Variants in F8 observed in about 807,000 individuals in gnomAD.
The protein encoded by F8 is coagulation factor VIII.
F8 carries 12 observed loss-of-function variants against 140.6 expected under a neutral mutation model. That is an observed-to-expected ratio of 0.09 (90% CI 0.05 to 0.14). The LOEUF is 0.14. Ranked by LOEUF, F8 falls within the 10% of genes least tolerant of loss-of-function variation. F8 has a pLI of 1.00. For synonymous variants in F8, 585 were observed against 614.6 expected (o/e 0.95, Z 0.71); for missense variants, 1,354 against 1,720.7 (o/e 0.79, Z 3.77).
At chrX:154,976,368 A>T (rs2073485319) in intron 6 of F8, among the ~76,000 whole-genome samples, 1 of 110,162 alleles carries the variant, frequency 9.1e-6, no homozygotes, top group African/African-American at 3.3e-5. Context: ...ATGTAGTTAG[A>T]TCTTTTTTTA....
intron 13 of F8, among the ~76,000 whole-genome samples, chrX:154,942,584 A>T (rs1018400325): frequency 8.9e-6 from 1 of 111,865 alleles, no homozygotes; most frequent in Admixed American, 9.4e-5. Flanking sequence ...ATTCTACCAG[A>T]GGTAGAAGGA....
intron 1 of F8, among the ~76,000 whole-genome samples, chrX:155,016,403 A>G (rs1431169902): frequency 3.6e-5 from 4 of 112,076 alleles, no homozygotes; most frequent in African/African-American, 9.7e-5. Context: ...TGCACTTACC[A>G]TATGATCCAG....
At chrX:154,954,167 T>C in intron 11 of F8, 125 bp from the exon 12 acceptor site, 1 of 742,951 alleles carries the variant, frequency 1.3e-6, no homozygotes, top group South Asian at 2.3e-5. Flanking sequence ...TTAATTCCAT[T>C]TCCTCTTAGG....
intron 12 of F8, among the ~76,000 whole-genome samples, chrX:154,951,927 G>A (rs1239209684): frequency 1.8e-5 from 2 of 111,836 alleles, no homozygotes; most frequent in Non-Finnish European, 3.8e-5. Flanking sequence ...ATTGTTTTCT[G>A]GCTCTGCTTA....
intron 25 of F8, among the ~76,000 whole-genome samples, chrX:154,839,185 C>T (rs2072498509): frequency 9.2e-6 from 1 of 109,047 alleles, no homozygotes; most frequent in African/African-American, 3.3e-5. Context: ...CTTACCCCTT[C>T]TGTTTCTTCT....
At position 154,856,661 on chromosome X, in the gene F8, C is replaced by T. The variant is rs782791133; in HGVS notation, c.6900+3771G>A. Among the ~76,000 whole-genome samples, 22 of 112,014 alleles carry T rather than the reference C, an allele frequency of 2.0e-4. No individual in the cohort carries two copies. In the South Asian group the frequency reaches 8.3e-3, roughly 42 times the overall value. On this transcript the variant is annotated intron_variant, in intron 25 of 25. Transcript: ENST00000360256. ...TCCCAGACTTGAGCAGGTTTACAGACCCAGCACTCCTTGAATGAAGGGGAG... is the reference window on the plus strand; with the variant it reads ...TCCCAGACTTGAGCAGGTTTACAGATCCAGCACTCCTTGAATGAAGGGGAG...
intron 4 of F8, 136 bp from the exon 5 acceptor site, chrX:154,987,441 C>T: frequency 5.4e-6 from 3 of 556,808 alleles, no homozygotes; most frequent in Non-Finnish European, 8.9e-6. Flanking sequence ...GATAACTTGG[C>T]TTTGATGTCA....
At chrX:154,956,281 G>A (rs782683275) in intron 11 of F8, among the ~76,000 whole-genome samples, 18 of 111,624 alleles carry the variant, frequency 1.6e-4, no homozygotes, top group Middle Eastern at 4.6e-3. Context: ...TGCAGATAAC[G>A]CAATCATCAC....
At position 155,004,968 on chromosome X, in the gene F8, T is replaced by G. The variant is rs186609967; in HGVS notation, c.144-5368A>C. Among the ~76,000 whole-genome samples the G allele has an allele frequency of 2.8e-4, 31 of 111,414 alleles. No homozygotes were observed. In the East Asian group the frequency reaches 8.7e-3, roughly 31 times the overall value. On this transcript the variant is annotated intron_variant, in intron 1 of 25. Transcript: ENST00000360256. ...GTGTGTCCCGAAGTAAAATATATGG[T>G]TTTGGAAAACAAGGAGTGTAAGTAG...
intron 1 of F8, among the ~76,000 whole-genome samples, chrX:155,007,170 T>C (rs1603437110): frequency 8.9e-6 from 1 of 112,353 alleles, no homozygotes; most frequent in East Asian, 2.8e-4. Flanking sequence ...GGCATATTAG[T>C]GAGTGGACAC....
chrX:154,929,597 C>T lies in F8; in HGVS notation c.4193G>A (p.Ser1398Asn), dbSNP rs782049847. The T allele has an allele frequency of 8.3e-7, 1 of 1,211,072 alleles. No individual in the cohort carries two copies. Among genetic ancestry groups the T allele is most frequent in the Non-Finnish European group, 1.1e-6 (1 of 895,117 alleles). ...PLSDCLTRSH[S>N]IPQANRSPLP... ...TGGAGATCTATTTGCTTGAGGGATG[C>T]TATGACTCCTCGTAAGGCAATCTGA... Residue 1398 changes from serine to asparagine, a missense_variant, in exon 14 of 26, where the codon AGC becomes AAC. Around this residue, in one of 4 missense-constraint regions of F8, gnomAD observed 658 missense variants for 666.5 expected, o/e 0.99. Transcript: ENST00000360256.
intron 1 of F8, among the ~76,000 whole-genome samples, chrX:155,001,540 T>G (rs1395160327): frequency 4.5e-5 from 5 of 110,150 alleles, no homozygotes; most frequent in African/African-American, 1.7e-4. Flanking sequence ...TCCACCCTCC[T>G]TGGCTTCCCA....
chrX:154,972,707 C>CTTTTTTTTTTTTTTTTTTTTT (rs1184930129), intron 6 of F8, among the ~76,000 whole-genome samples: 3 of 55,270 alleles, frequency 5.4e-5, no homozygotes, highest in African/African-American at 1.4e-4. Flanking sequence ...TTCTGTCTTT[C>CTTTTTTTTTTTTTTTTTTTTT]TTTTTTTTTT....
Position 154,929,357 on chromosome X carries a change from A to C in F8, c.4433T>G (p.Val1478Gly), listed in dbSNP as rs782624882. 1.7e-6 allele frequency: 2 copies of C among 1,210,113 alleles called. No individual in the cohort carries two copies. The highest frequency in any genetic ancestry group is 2.3e-4 in the Middle Eastern group (1 of 4,356). ...TLEMTGDQREVGSLGTSATNS... is the reference protein window; with the variant it reads ...TLEMTGDQREGGSLGTSATNS... ...TGTGGCACTTGTCCCCAGGGAGCCA[A>C]CCTCTCTTTGATCACCAGTCATCTC... The change falls in exon 14 of 26, where the codon GTT becomes GGT. Residue 1478 changes from valine (V) to glycine (G), a missense_variant. Physicochemically the swap from Val to Gly is moderately radical, Grantham distance 109. This residue lies in a region of F8 where 658 missense variants were observed against 666.5 expected (regional missense o/e 0.99). Transcript: ENST00000360256.
At chrX:154,969,704 A>G (rs2073446085) in intron 6 of F8, 152 bp from the exon 7 acceptor site, 1 of 491,857 alleles carries the variant, frequency 2.0e-6, no homozygotes, top group Admixed American at 3.4e-5. Flanking sequence ...GCTACTATCA[A>G]ACCAACAGCT....
intron 22 of F8, among the ~76,000 whole-genome samples, chrX:154,878,428 CAAAAAAAAAAAAA>C (rs57418004): frequency 1.1e-4 from 3 of 26,738 alleles, no homozygotes; most frequent in Non-Finnish European, 1.4e-4. Context: ...TTTTCATGAC[CAAAAAAAAAAAAA>C]AAAAAAAAAA....
chrX:154,969,432 G>T lies in F8; in HGVS notation c.908C>A (p.Ala303Glu). 1 of 1,211,055 alleles carries T rather than the reference G, an allele frequency of 8.3e-7. No individual in the cohort carries two copies. Among genetic ancestry groups the T allele is most frequent in the South Asian group, 1.8e-5 (1 of 56,973 alleles). ...HTFLVRNHRQ[A>E]SLEISPITFL... ...AGTTATTGGCGAGATTTCCAAGGAC[G>T]CCTGGCGATGGTTCCTCACAAGAAA... Residue 303 changes from alanine (A) to glutamate (E), a missense_variant, in exon 7 of 26, where the codon GCG becomes GAG. Ala to Glu is a moderately radical substitution (Grantham distance 107). Around this residue, in one of 4 missense-constraint regions of F8, gnomAD observed 128 missense variants for 230.4 expected, o/e 0.56. Coordinates refer to ENST00000360256, the MANE Select transcript of F8 (RefSeq NM_000132.4).
intron 6 of F8, among the ~76,000 whole-genome samples, chrX:154,981,670 T>G (rs1192508215): frequency 1.8e-5 from 2 of 111,357 alleles, no homozygotes; most frequent in Admixed American, 1.9e-4. Flanking sequence ...TCTTATCATT[T>G]TTCTATCATT....
intron 4 of F8, among the ~76,000 whole-genome samples, chrX:154,988,529 G>A (rs2073571195): frequency 8.9e-6 from 1 of 111,812 alleles, no homozygotes; most frequent in South Asian, 3.7e-4. Context: ...GTTGCCATGA[G>A]CCAATAAATC....
Sources: allele counts gnomAD v4.1 joint callset (sites outside exome capture counted in the v4.1 genomes callset), GRCh38; gene constraint gnomAD v4.1.1; regional missense constraint gnomAD v4.1.1; transcripts MANE v1.5; gene names NCBI Gene and HGNC (gene_info 2026-07-23, HGNC 2026-07-21).